Variants in AGBL1 observed in about 807,000 individuals in gnomAD.
The protein encoded by AGBL1 is AGBL carboxypeptidase 1, also known as cytosolic carboxypeptidase 4.
Under a neutral mutation model 118.9 loss-of-function variants are expected in AGBL1, and 130 were observed. The observed-to-expected ratio is 1.09, with a 90% confidence interval of 0.95 to 1.26. The LOEUF is 1.26. AGBL1 is among the 50% of genes most tolerant of loss of function. The probability of loss-of-function intolerance (pLI) is 0.00; values close to 1 mark genes in which losing one functional copy is unlikely to be tolerated. For synonymous variants in AGBL1, 555 were observed against 478.9 expected (o/e 1.16, Z -2.08); for missense variants, 1,584 against 1,298.1 (o/e 1.22, Z -3.38).
intron 7 of AGBL1, among the ~76,000 whole-genome samples, chr15:86,253,209 G>A (rs1310019540): frequency 6.6e-6 from 1 of 152,094 alleles, no homozygotes; most frequent in Non-Finnish European, 1.5e-5. Flanking sequence ...AGAGTTCCTT[G>A]AACTATGATA....
chr15:86,710,725 T>C (rs2086541528), intron 22 of AGBL1, among the ~76,000 whole-genome samples: 1 of 152,134 alleles, frequency 6.6e-6, no homozygotes, highest in Non-Finnish European at 1.5e-5. Flanking sequence ...CAAGTGGCAA[T>C]AGACAATGGG....
chr15:86,683,093 T>C (rs1390118704), intron 22 of AGBL1, among the ~76,000 whole-genome samples: 1 of 152,178 alleles, frequency 6.6e-6, no homozygotes, highest in African/African-American at 2.4e-5. Context: ...TAATTAATGG[T>C]GTACACATGC....
chr15:86,789,539 G>T (rs768890905), intron 22 of AGBL1, among the ~76,000 whole-genome samples: 1 of 152,102 alleles, frequency 6.6e-6, no homozygotes, highest in African/African-American at 2.4e-5. Context: ...GAAAGCTAAG[G>T]GGGAGGTGAG....
In AGBL1 at chr15:86,302,837, G is replaced by T. The variant is rs2079774902; in HGVS notation, c.2374+7429G>T. Among the ~76,000 whole-genome samples, 5 of 151,256 alleles carry T rather than the reference G, an allele frequency of 3.3e-5. No individual in the cohort carries two copies. In the South Asian group the frequency reaches 6.3e-4, roughly 19 times the overall value. On this transcript the variant is annotated intron_variant, in intron 17 of 22. Transcript: ENST00000614907. ...TCTCAGGGTACAGGACTACAGAATTGTGGAATGAGTATGGGGACAGCAGAT... is the reference window on the plus strand; with the variant it reads ...TCTCAGGGTACAGGACTACAGAATTTTGGAATGAGTATGGGGACAGCAGAT...
intron 18 of AGBL1, among the ~76,000 whole-genome samples, chr15:86,500,770 C>T (rs974381318): frequency 1.3e-5 from 2 of 151,688 alleles, no homozygotes; most frequent in African/African-American, 4.8e-5. Flanking sequence ...TTTATGTCTG[C>T]CTTCTTTCAC....
chr15:86,269,896 C>G (rs777063400), intron 13 of AGBL1, 23 bp from the exon 14 acceptor site: 1 of 1,611,390 alleles, frequency 6.2e-7, no homozygotes, highest in South Asian at 1.1e-5. Context: ...AGATAACCCT[C>G]CAGTCTTGCT....
intron 23 of AGBL1, among the ~76,000 whole-genome samples, chr15:86,927,685 A>G (rs2080559620): frequency 2.6e-5 from 4 of 152,204 alleles, no homozygotes; most frequent in South Asian, 4.1e-4. Context: ...ATATAATCCA[A>G]TATTGATAAT....
intron 18 of AGBL1, among the ~76,000 whole-genome samples, chr15:86,422,985 C>G (rs919168209): frequency 2.6e-5 from 4 of 152,178 alleles, no homozygotes; most frequent in Non-Finnish European, 5.9e-5. Flanking sequence ...TGGACAGATT[C>G]ACAGCCGAAT....
chr15:86,297,741 A>G (rs972146904), intron 17 of AGBL1, among the ~76,000 whole-genome samples: 1 of 152,168 alleles, frequency 6.6e-6, no homozygotes, highest in Non-Finnish European at 1.5e-5. Flanking sequence ...CTTATTTTAC[A>G]GATGGGGTAA....
chr15:86,797,855 A>G (rs2078595090), intron 22 of AGBL1, among the ~76,000 whole-genome samples: 1 of 152,196 alleles, frequency 6.6e-6, no homozygotes, highest in Non-Finnish European at 1.5e-5. Context: ...CAGAAGTTTG[A>G]TATGAGGTAA....
chr15:86,621,649 C>G (rs1173347328), intron 21 of AGBL1, among the ~76,000 whole-genome samples: 2 of 152,192 alleles, frequency 1.3e-5, no homozygotes, highest in Non-Finnish European at 2.9e-5. Flanking sequence ...GACCTTATGT[C>G]CAAATCAGCT....
At chr15:86,949,764 TAGAC>T (rs949045257) in intron 23 of AGBL1, among the ~76,000 whole-genome samples, 4 of 151,988 alleles carry the variant, frequency 2.6e-5, no homozygotes, top group Admixed American at 6.6e-5. Context: ...AAATGAGAAA[TAGAC>T]AAACTCGCAA....
At chr15:86,204,606 T>G (rs2077961100) in intron 5 of AGBL1, among the ~76,000 whole-genome samples, 1 of 152,134 alleles carries the variant, frequency 6.6e-6, no homozygotes, top group East Asian at 1.9e-4. Flanking sequence ...TTTTGTTTTT[T>G]TGAGACGGAG....
intron 1 of AGBL1, among the ~76,000 whole-genome samples, chr15:86,083,911 C>T (rs1895460317): frequency 6.6e-6 from 1 of 152,168 alleles, no homozygotes; most frequent in Non-Finnish European, 1.5e-5. Flanking sequence ...TGGACTTAAA[C>T]AGAAGGATTT....
chr15:86,887,182 T>C (rs963365043), intron 22 of AGBL1, among the ~76,000 whole-genome samples: 2 of 152,236 alleles, frequency 1.3e-5, no homozygotes, highest in Non-Finnish European at 1.5e-5. Context: ...GGTATATGTG[T>C]AAAGATATAT....
rs1555462936 is a variant in AGBL1 at position 86,298,246 on chromosome 15, A to ATTAT, written c.2374+2838_2374+2839insTTAT. Among the ~76,000 whole-genome samples, 290 of 69,778 alleles carry ATTAT rather than the reference A, an allele frequency of 4.2e-3. 17 individuals are homozygous for ATTAT. Among genetic ancestry groups the ATTAT allele is most frequent in the African/African-American group, 0.014 (209 of 15,344 alleles). The allele number at this position is 69,778 out of a possible 152,430, so 45.8% of individuals were successfully genotyped here. The stretch of plus-strand genomic sequence containing the variant: ...GTATACAGGGTACGTGTCTGTGTAT[A>ATTAT]ATATATATATATATATATATATATA... On this transcript the variant is annotated intron_variant, in intron 17 of 22. Coordinates refer to ENST00000614907, the MANE Select transcript of AGBL1 (RefSeq NM_001386094.1).
chr15:86,163,106 C>T (rs1355882051), intron 5 of AGBL1, among the ~76,000 whole-genome samples: 5 of 152,224 alleles, frequency 3.3e-5, no homozygotes, highest in Non-Finnish European at 5.9e-5. Flanking sequence ...TTCCATTCCT[C>T]CTAGCCCAGC....
In AGBL1 at chr15:86,907,197, C is replaced by G. The variant is rs1238927783; in HGVS notation, c.3269C>G (p.Ser1090Cys). ...DNSSDQEGSL[S>C]ELDRRIQECA... Reference sequence around the variant, plus strand: ...AGCTCAGACCAGGAAGGGAGCTTGTCTGAGCTGGACCGGAGGATCCAGGAG... The same window carrying G: ...AGCTCAGACCAGGAAGGGAGCTTGTGTGAGCTGGACCGGAGGATCCAGGAG... Residue 1090 changes from serine (S) to cysteine (C), a missense_variant, in exon 23 of 23, where the codon TCT becomes TGT. By Grantham distance (112) the Ser-to-Cys change is moderately radical. Coordinates refer to ENST00000614907, the MANE Select transcript of AGBL1 (RefSeq NM_001386094.1). 2 of 152,236 alleles carry G rather than the reference C, an allele frequency of 1.3e-5. No individual in the cohort carries two copies. The highest frequency in any genetic ancestry group is 2.9e-5 in the Non-Finnish European group (2 of 68,100). 9.4% of individuals were successfully genotyped at this position (152,236 alleles called of 1,614,324 possible).
At chr15:86,160,116 T>C (rs1435249283) in intron 5 of AGBL1, among the ~76,000 whole-genome samples, 1 of 151,314 alleles carries the variant, frequency 6.6e-6, no homozygotes, top group Non-Finnish European at 1.5e-5. Context: ...TTTTTTTTTT[T>C]TTTTGAGATC....
Sources: allele counts gnomAD v4.1 joint callset (sites outside exome capture counted in the v4.1 genomes callset), GRCh38; gene constraint gnomAD v4.1.1; transcripts MANE v1.5; gene names NCBI Gene and HGNC (gene_info 2026-07-23, HGNC 2026-07-21).